STPG4: variants seen among roughly 807,000 people sequenced by gnomAD.
STPG4 encodes sperm-tail PG-rich repeat containing 4.
Under a neutral mutation model 31.5 loss-of-function variants are expected in STPG4, and 41 were observed. The observed-to-expected ratio is 1.30, with a 90% CI of 1.01 to 1.69. The LOEUF (loss-of-function observed/expected upper bound fraction) is 1.69. Among genes scored for constraint, STPG4 ranks in the 40% most tolerant of loss-of-function variants. STPG4 has a pLI of 0.00. For synonymous variants in STPG4, 141 were observed against 103.0 expected (o/e 1.37, Z -2.24); for missense variants, 375 against 293.4 (o/e 1.28, Z -2.03).
chr2:47,105,542 G>T (rs1276288834), intron 5 of STPG4, among the ~76,000 whole-genome samples: 2 of 152,044 alleles, frequency 1.3e-5, no homozygotes, highest in African/African-American at 2.4e-5. Context: ...GAACATGACT[G>T]CCAACAAATT....
chr2:47,112,428 C>T (rs1412519896), intron 5 of STPG4, among the ~76,000 whole-genome samples: 1 of 151,606 alleles, frequency 6.6e-6, no homozygotes. Flanking sequence ...ACCTCGGCCT[C>T]CCAAAGTGCT....
At chr2:47,135,232 T>C (rs888870137) in intron 3 of STPG4, among the ~76,000 whole-genome samples, 6 of 152,240 alleles carry the variant, frequency 3.9e-5, no homozygotes, top group Non-Finnish European at 8.8e-5. Flanking sequence ...TCATGGATCA[T>C]GCTTTTGGTG....
At chr2:47,113,951 G>T (rs774061394) in intron 5 of STPG4, among the ~76,000 whole-genome samples, 1 of 150,888 alleles carries the variant, frequency 6.6e-6, no homozygotes, top group East Asian at 2.0e-4. Flanking sequence ...GGAGAATGGC[G>T]TGAACCCAGG....
At chr2:47,106,400 T>A (rs1246142997) in intron 5 of STPG4, among the ~76,000 whole-genome samples, 1 of 151,960 alleles carries the variant, frequency 6.6e-6, no homozygotes, top group Non-Finnish European at 1.5e-5. Context: ...CCCCTATTTA[T>A]AGGGTTAGGA....
At chr2:47,145,983 G>A (rs963348461) in intron 3 of STPG4, among the ~76,000 whole-genome samples, 2 of 152,192 alleles carry the variant, frequency 1.3e-5, no homozygotes, top group Non-Finnish European at 2.9e-5. Context: ...ATAGAGAGTA[G>A]GCCATCCAGA....
chr2:47,138,841 C>A (rs575083464), intron 3 of STPG4, among the ~76,000 whole-genome samples: 7 of 152,244 alleles, frequency 4.6e-5, no homozygotes, highest in African/African-American at 1.7e-4. Context: ...AGCCACTGCA[C>A]CTGGCCAATT....
At chr2:47,150,512 T>C (rs1380458234) in intron 3 of STPG4, among the ~76,000 whole-genome samples, 1 of 151,898 alleles carries the variant, frequency 6.6e-6, no homozygotes, top group Non-Finnish European at 1.5e-5. Flanking sequence ...CTTTTTTTTT[T>C]TAATTAAAAA....
intron 3 of STPG4, among the ~76,000 whole-genome samples, chr2:47,147,689 C>A (rs1268202425): frequency 6.6e-6 from 1 of 151,782 alleles, no homozygotes; most frequent in Non-Finnish European, 1.5e-5. Flanking sequence ...GGGAAGGGGG[C>A]TAATATCAAG....
chr2:47,138,309 T>C (rs911789008), intron 3 of STPG4, among the ~76,000 whole-genome samples: 1 of 152,236 alleles, frequency 6.6e-6, no homozygotes, highest in Non-Finnish European at 1.5e-5. Context: ...CTTTGTGTTA[T>C]TGATTTGTAG....
chr2:47,111,599 C>T (rs2103754976), intron 5 of STPG4, among the ~76,000 whole-genome samples: 1 of 152,120 alleles, frequency 6.6e-6, no homozygotes, highest in Middle Eastern at 3.4e-3. Flanking sequence ...ATTTGTGAGG[C>T]TTGGTCCTTA....
intron 3 of STPG4, among the ~76,000 whole-genome samples, chr2:47,144,855 C>T (rs57511273): frequency 0.019 from 2,900 of 152,244 alleles, 88 homozygotes; most frequent in African/African-American, 0.065. Context: ...CTCAGCCTCC[C>T]AAGTAGCTGG....
chr2:47,091,997 G>C (rs150021496), intron 5 of STPG4, among the ~76,000 whole-genome samples: 79 of 148,900 alleles, frequency 5.3e-4, no homozygotes, highest in African/African-American at 1.9e-3. Context: ...ACTCCCAAAT[G>C]TCATTAAGTC....
At chr2:47,123,824 G>T (rs1178439590) in intron 5 of STPG4, among the ~76,000 whole-genome samples, 1 of 152,030 alleles carries the variant, frequency 6.6e-6, no homozygotes, top group African/African-American at 2.4e-5. Context: ...TGGCCACATA[G>T]TAGGTATATA....
chr2:47,131,731 C>T (rs906685801), intron 3 of STPG4, among the ~76,000 whole-genome samples: 1 of 152,186 alleles, frequency 6.6e-6, no homozygotes, highest in Non-Finnish European at 1.5e-5. Context: ...CCTCAAGGAG[C>T]TCAAGCAAGG....
chr2:47,113,965 C>T (rs189332654), intron 5 of STPG4, among the ~76,000 whole-genome samples: 132 of 150,184 alleles, frequency 8.8e-4, no homozygotes, highest in African/African-American at 3.1e-3. Flanking sequence ...ACCCAGGAGG[C>T]AGAGCTTGCA....
intron 5 of STPG4, among the ~76,000 whole-genome samples, chr2:47,121,703 A>G (rs987183559): frequency 6.6e-6 from 1 of 152,168 alleles, no homozygotes; most frequent in Non-Finnish European, 1.5e-5. Context: ...CTAAAATTAT[A>G]TGTCAGCAGG....
chr2:47,117,877 G>C (rs551229867), intron 5 of STPG4, among the ~76,000 whole-genome samples: 1 of 152,022 alleles, frequency 6.6e-6, no homozygotes, highest in East Asian at 1.9e-4. Flanking sequence ...TCAAGCCTCA[G>C]TTATCAGGGG....
At chr2:47,101,090 A>G (rs1316904574) in intron 5 of STPG4, among the ~76,000 whole-genome samples, 1 of 151,826 alleles carries the variant, frequency 6.6e-6, no homozygotes, top group Non-Finnish European at 1.5e-5. Flanking sequence ...AGCAGTGAGT[A>G]CCATCGGACC....
intron 5 of STPG4, among the ~76,000 whole-genome samples, chr2:47,092,794 G>A (rs1685597784): frequency 1.5e-5 from 1 of 66,712 alleles, no homozygotes. Flanking sequence ...ACCCTCCACG[G>A]TTCTGTTTTT....
Sources: gnomAD v4.1 joint callset for allele counts (sites outside exome capture counted in the v4.1 genomes callset) on GRCh38, gnomAD v4.1.1 for gene constraint, MANE v1.5 for transcripts, NCBI Gene and HGNC (gene_info 2026-07-23, HGNC 2026-07-21) for gene names.